AKAP6: variants seen among roughly 807,000 people sequenced by gnomAD.
The protein encoded by AKAP6 is A-kinase anchor protein 6.
In AKAP6, 58 loss-of-function variants were observed where a neutral mutation model predicts 188.5. The ratio of observed to expected loss-of-function variants is 0.31; its 90% CI spans 0.25 to 0.38. The LOEUF is 0.38. Ranked by LOEUF, AKAP6 falls within the 10% of genes least tolerant of loss-of-function variation. The pLI, the probability that AKAP6 is intolerant of heterozygous loss-of-function variation, is 1.00. For synonymous variants in AKAP6, 989 were observed against 998.6 expected (o/e 0.99, Z 0.18); for missense variants, 2,710 against 2,740.0 (o/e 0.99, Z 0.24).
intron 7 of AKAP6, among the ~76,000 whole-genome samples, chr14:32,620,446 T>C (rs913016362): frequency 1.3e-5 from 2 of 152,170 alleles, no homozygotes; most frequent in African/African-American, 4.8e-5. Flanking sequence ...TTTTTAATTC[T>C]GTTTATATGA....
At chr14:32,574,661 A>G (rs1023996711) in intron 4 of AKAP6, among the ~76,000 whole-genome samples, 1 of 152,192 alleles carries the variant, frequency 6.6e-6, no homozygotes, top group African/African-American at 2.4e-5. Context: ...CCTAAATAAT[A>G]TACTTTCTGA....
intron 2 of AKAP6, among the ~76,000 whole-genome samples, chr14:32,533,547 T>G (rs1882528580): frequency 6.6e-6 from 1 of 152,118 alleles, no homozygotes; most frequent in Non-Finnish European, 1.5e-5. Context: ...AAGGAGTGTT[T>G]TTTTACAACA....
At chr14:32,466,367 A>T (rs551671150) in intron 2 of AKAP6, among the ~76,000 whole-genome samples, 1 of 152,338 alleles carries the variant, frequency 6.6e-6, no homozygotes, top group African/African-American at 2.4e-5. Context: ...AATATGTGGC[A>T]CATGTACACC....
At chr14:32,663,097 C>G (rs549136841) in intron 7 of AKAP6, among the ~76,000 whole-genome samples, 1 of 152,140 alleles carries the variant, frequency 6.6e-6, no homozygotes, top group South Asian at 2.1e-4. Flanking sequence ...ATACAACAAT[C>G]AATTACAATA....
chr14:32,609,789 T>A (rs1211143463), intron 7 of AKAP6, among the ~76,000 whole-genome samples: 1 of 152,076 alleles, frequency 6.6e-6, no homozygotes, highest in Non-Finnish European at 1.5e-5. Flanking sequence ...TTGCCTCAGC[T>A]GTCTTTAGGG....
rs371405448 is a variant in AKAP6, at chr14:32,392,698, A to C, written c.-34-40762A>C. Among the ~76,000 whole-genome samples, 132 of 152,300 alleles carry C rather than the reference A, an allele frequency of 8.7e-4. No individual in the cohort carries two copies. The Middle Eastern group carries it at 0.014, about 16-fold the overall frequency. ...ACCAGAAACTACAGCTGTGCTCAAG[A>C]AATGTTTGGGATGTGTCAAGTAGAT... On this transcript the variant is annotated intron_variant, in intron 1 of 13. Transcript: ENST00000280979.
chr14:32,784,597 A>G (rs967262893), intron 12 of AKAP6, among the ~76,000 whole-genome samples: 6 of 152,206 alleles, frequency 3.9e-5, no homozygotes, highest in Admixed American at 1.3e-4. Flanking sequence ...TCACTCACCA[A>G]GAGAGTGGGG....
At chr14:32,827,536 A>G (rs1218686720) in intron 13 of AKAP6, among the ~76,000 whole-genome samples, 1 of 152,186 alleles carries the variant, frequency 6.6e-6, no homozygotes, top group Non-Finnish European at 1.5e-5. Context: ...AGAAGTTTTA[A>G]CATGATCTAA....
chr14:32,395,012 A>G (rs1445027533), intron 1 of AKAP6, among the ~76,000 whole-genome samples: 4 of 152,130 alleles, frequency 2.6e-5, no homozygotes, highest in South Asian at 2.1e-4. Flanking sequence ...GGTTACCACA[A>G]TTTAGGAGTT....
At chr14:32,638,103 C>T (rs975983992) in intron 7 of AKAP6, among the ~76,000 whole-genome samples, 5 of 152,156 alleles carry the variant, frequency 3.3e-5, no homozygotes, top group African/African-American at 1.2e-4. Flanking sequence ...CTGTCTTGTG[C>T]ATATTATGGT....
intron 1 of AKAP6, among the ~76,000 whole-genome samples, chr14:32,345,997 A>G (rs569200846): frequency 2.6e-4 from 39 of 152,382 alleles, no homozygotes; most frequent in African/African-American, 8.9e-4. Flanking sequence ...TACAAAACAT[A>G]TAGAAGTAAA....
rs1305662635 is a variant in AKAP6 at position 32,669,782 on chromosome 14, CAAG to C, written c.2731-8522_2731-8520del. ...CACATCCTTCTTCACATGGCGGCAG[CAAG>C]AAGAAGTGCCGAGCAAAAGGGGAAA... On this transcript the variant is annotated intron_variant, in intron 7 of 13. Transcript: ENST00000280979. Among the ~76,000 whole-genome samples the C allele has an allele frequency of 3.9e-5, 6 of 152,146 alleles. No homozygotes were observed. In the East Asian group the frequency reaches 5.8e-4, roughly 15 times the overall value.
At chr14:32,587,823 C>G (rs1034354545) in intron 5 of AKAP6, among the ~76,000 whole-genome samples, 9 of 152,130 alleles carry the variant, frequency 5.9e-5, no homozygotes, top group African/African-American at 2.2e-4. Flanking sequence ...GCTTCTCTAT[C>G]TGTATATGGA....
intron 2 of AKAP6, among the ~76,000 whole-genome samples, chr14:32,486,966 T>C (rs10143636): frequency 0.67 from 102,220 of 152,086 alleles, 35,834 homozygotes; most frequent in East Asian, 0.89. Flanking sequence ...TCATAAATAG[T>C]TCTTATTATT....
At chr14:32,627,099 A>G (rs563238268) in intron 7 of AKAP6, among the ~76,000 whole-genome samples, 1 of 152,252 alleles carries the variant, frequency 6.6e-6, no homozygotes, top group East Asian at 1.9e-4. Context: ...AGAGCAACAC[A>G]TTATGCTAGT....
chr14:32,404,090 T>TA (rs1889189790), intron 1 of AKAP6, among the ~76,000 whole-genome samples: 1 of 152,206 alleles, frequency 6.6e-6, no homozygotes, highest in African/African-American at 2.4e-5. Flanking sequence ...TGTACTTTTT[T>TA]ATCCCATGAA....
intron 2 of AKAP6, among the ~76,000 whole-genome samples, chr14:32,452,661 G>A (rs1951191): frequency 0.63 from 95,940 of 151,908 alleles, 32,593 homozygotes; most frequent in African/African-American, 0.9. Context: ...AAAAAAAGAA[G>A]GAAAAGGAAT....
At chr14:32,376,111 T>A (rs1888149719) in intron 1 of AKAP6, 1 of 152,188 alleles carries the variant, frequency 6.6e-6, no homozygotes, top group Non-Finnish European at 1.5e-5. Flanking sequence ...CTCTTGGAAA[T>A]TTGCGAGTTA....
intron 7 of AKAP6, among the ~76,000 whole-genome samples, chr14:32,622,181 C>T (rs1054097157): frequency 2.0e-5 from 3 of 152,000 alleles, no homozygotes; most frequent in African/African-American, 7.2e-5. Flanking sequence ...CTACTTACTG[C>T]TTCATAATTT....
Sources: allele counts gnomAD v4.1 joint callset (sites outside exome capture counted in the v4.1 genomes callset), GRCh38; gene constraint gnomAD v4.1.1; transcripts MANE v1.5; gene names NCBI Gene and HGNC (gene_info 2026-07-23, HGNC 2026-07-21).